The following PDE1C variants were observed in gnomAD, a reference collection of about 807,000 sequenced individuals.
PDE1C encodes dual specificity calcium/calmodulin-dependent 3',5'-cyclic nucleotide phosphodiesterase 1C.
A neutral mutation model predicts 93.1 loss-of-function variants in PDE1C; 62 were observed. That is an observed-to-expected ratio of 0.67 (90% CI 0.54 to 0.82). PDE1C has a LOEUF of 0.82. Ranked by LOEUF, PDE1C falls within the 40% of genes least tolerant of loss-of-function variation. The probability of loss-of-function intolerance (pLI) is 0.00; values close to 1 mark genes in which losing one functional copy is unlikely to be tolerated. For synonymous variants in PDE1C, 325 were observed against 310.1 expected, an observed-to-expected ratio of 1.05 and a Z score of -0.50; for missense variants, 742 against 884.6, an observed-to-expected ratio of 0.84 and a Z score of 2.04.
the PDE1C span, chr7:31,695,518 T>C: frequency 6.8e-6 from 11 of 1,613,296 alleles, no homozygotes; most frequent in Admixed American, 1.5e-4. Flanking sequence ...AAAAGAAGCC[T>C]AGAAAGGGAA....
At chr7:31,972,688 C>T (rs557670412) in intron 2 of PDE1C, among the ~76,000 whole-genome samples, 2 of 152,228 alleles carry the variant, frequency 1.3e-5, no homozygotes, top group East Asian at 3.9e-4. Context: ...AAGAAGAACA[C>T]AGACTGGCTG....
At chr7:32,208,674 G>A (rs559125551) in intron 2 of PDE1C, among the ~76,000 whole-genome samples, 5 of 152,182 alleles carry the variant, frequency 3.3e-5, no homozygotes, top group African/African-American at 2.4e-5. Context: ...TGGGTTTGGG[G>A]AGCGTCTCCA....
intron 2 of PDE1C, among the ~76,000 whole-genome samples, chr7:31,954,055 G>T (rs1380291009): frequency 1.3e-5 from 2 of 152,128 alleles, no homozygotes; most frequent in African/African-American, 4.8e-5. Context: ...GGTCCATAAG[G>T]CTAAAAAGAT....
intron 1 of PDE1C, among the ~76,000 whole-genome samples, chr7:32,269,176 C>T (rs1422031682): frequency 1.3e-5 from 2 of 152,156 alleles, no homozygotes; most frequent in Non-Finnish European, 2.9e-5. Context: ...ATGAAGACTG[C>T]CTTAAACCAG....
At chr7:32,106,948 A>C (rs1420622691) in intron 3 of PDE1C, among the ~76,000 whole-genome samples, 3 of 151,748 alleles carry the variant, frequency 2.0e-5, no homozygotes, top group Non-Finnish European at 4.4e-5. Context: ...ATACAAAAAT[A>C]GATGGATAAT....
At chr7:31,854,303 C>T (rs952045513) in intron 7 of PDE1C, among the ~76,000 whole-genome samples, 1 of 152,130 alleles carries the variant, frequency 6.6e-6, no homozygotes, top group Non-Finnish European at 1.5e-5. Context: ...TTTTAATATA[C>T]CTCAGATTTC....
chr7:31,744,261 A>AACAC, the PDE1C span, among the ~76,000 whole-genome samples: 21 of 150,344 alleles, frequency 1.4e-4, no homozygotes, highest in South Asian at 3.6e-3. Flanking sequence ...TATGTAGACA[A>AACAC]ACACACACAC....
intron 2 of PDE1C, among the ~76,000 whole-genome samples, chr7:32,032,130 T>C (rs1336168272): frequency 2.0e-5 from 3 of 152,158 alleles, no homozygotes; most frequent in Non-Finnish European, 2.9e-5. Context: ...AAGTTGATCA[T>C]GGTGGCATAC....
At chr7:32,264,769 C>A (rs1810451841) in intron 1 of PDE1C, among the ~76,000 whole-genome samples, 1 of 152,214 alleles carries the variant, frequency 6.6e-6, no homozygotes, top group Non-Finnish European at 1.5e-5. Context: ...ATGTCCCATG[C>A]CTCCACATTG....
In PDE1C at chr7:32,043,527, C is replaced by T. The variant is rs553908290; in HGVS notation, c.128+8027G>A. On this transcript the variant is annotated intron_variant, in intron 2 of 17. Transcript: ENST00000396191. ...TCTCAAAACCATTTTGGCAAAACAC[C>T]GCCAAACAGCCAAATGATGCACAAC... Among the ~76,000 whole-genome samples the T allele has an allele frequency of 1.7e-4, 26 of 152,232 alleles. 1 individual carries two copies. The highest frequency in any genetic ancestry group is 9.8e-4 in the Admixed American group (15 of 15,292).
intron 7 of PDE1C, among the ~76,000 whole-genome samples, chr7:31,855,750 T>A (rs1313831049): frequency 3.8e-4 from 30 of 79,610 alleles, no homozygotes; most frequent in African/African-American, 4.8e-4. Flanking sequence ...AAATAATAAA[T>A]AAAAAATAAA....
rs139668223 is a variant in PDE1C at position 32,001,571 on chromosome 7, C to T, written c.128+49983G>A. ...GCTCCCATAAAGGAGTTCATCACTGCAGACTTACTAAACCAACACCCACAG... is the reference window on the plus strand; with the variant it reads ...GCTCCCATAAAGGAGTTCATCACTGTAGACTTACTAAACCAACACCCACAG... On this transcript the variant is annotated intron_variant, in intron 2 of 17. Transcript: ENST00000396191. 3.1e-3 allele frequency among the ~76,000 whole-genome samples: 469 copies of T among 152,324 alleles called. 2 individuals are homozygous for T. The highest frequency in any genetic ancestry group is 9.4e-3 in the Admixed American group (144 of 15,294).
chr7:32,387,801 G>A (rs185016081), intron 1 of PDE1C, among the ~76,000 whole-genome samples: 34 of 140,570 alleles, frequency 2.4e-4, no homozygotes, highest in East Asian at 6.2e-4. Context: ...CTGGCCGGGC[G>A]GGGGGCTGAC....
exon 3 of PDE1C, chr7:32,169,954 A>G: frequency 6.2e-7 from 1 of 1,610,934 alleles, no homozygotes; most frequent in Non-Finnish European, 8.5e-7. Context: ...TGTGACTTAG[A>G]CCCTGAGGCA....
At chr7:31,995,916 A>C (rs1784660390) in intron 2 of PDE1C, among the ~76,000 whole-genome samples, 1 of 152,142 alleles carries the variant, frequency 6.6e-6, no homozygotes, top group Non-Finnish European at 1.5e-5. Flanking sequence ...CTGCCTATTT[A>C]GAGAGTAGAA....
chr7:31,820,369 G>A (rs1788808494), intron 14 of PDE1C, among the ~76,000 whole-genome samples: 1 of 151,636 alleles, frequency 6.6e-6, no homozygotes, highest in Non-Finnish European at 1.5e-5. Context: ...GAAAATAAAT[G>A]TTAAAAAAAA....
chr7:31,989,764 A>G (rs1038792727), intron 2 of PDE1C, among the ~76,000 whole-genome samples: 3 of 152,296 alleles, frequency 2.0e-5, no homozygotes. Context: ...AGCTGTGTCT[A>G]TGTCTCAGCT....
At chr7:31,637,043 T>C in the PDE1C span, among the ~76,000 whole-genome samples, 1 of 152,010 alleles carries the variant, frequency 6.6e-6, no homozygotes, top group South Asian at 2.1e-4. Context: ...GCTTCATCCA[T>C]GTCCCTACAA....
At chr7:32,084,760 C>T (rs1482510224) in intron 3 of PDE1C, among the ~76,000 whole-genome samples, 34 of 126,254 alleles carry the variant, frequency 2.7e-4, no homozygotes, top group Admixed American at 2.4e-3. Context: ...CTACTGGGTA[C>T]ACAATGAAAT....
Sources: allele counts gnomAD v4.1 joint callset (sites outside exome capture counted in the v4.1 genomes callset), GRCh38; gene constraint gnomAD v4.1.1; transcripts MANE v1.5; gene names NCBI Gene and HGNC (gene_info 2026-07-23, HGNC 2026-07-21).